RANBP2: variants seen among roughly 807,000 people sequenced by gnomAD.
RANBP2 encodes the protein E3 SUMO-protein ligase RanBP2.
Under a neutral mutation model 303.6 loss-of-function variants are expected in RANBP2, and 57 were observed. The observed-to-expected ratio is 0.19, with a 90% CI of 0.15 to 0.23. RANBP2 has a LOEUF of 0.23. Ranked by LOEUF, RANBP2 falls within the 10% of genes least tolerant of loss-of-function variation. The probability of loss-of-function intolerance (pLI) is 1.00; values close to 1 mark genes in which losing one functional copy is unlikely to be tolerated. For missense variants in RANBP2, 3,138 were observed against 3,780.8 expected (o/e 0.83, Z 4.46); for synonymous variants, 1,167 against 1,301.5 (o/e 0.90, Z 2.23).
the RANBP2 span, among the ~76,000 whole-genome samples, chr2:109,717,600 AAAC>A: frequency 0.17 from 25,038 of 150,230 alleles, 2,585 homozygotes; most frequent in East Asian, 0.3. Context: ...AAAAACAACA[AAAC>A]AACAACAACA....
chr2:109,614,294 G>T, the RANBP2 span: 1 of 614,012 alleles, frequency 1.6e-6, no homozygotes, highest in Admixed American at 4.7e-5. Context: ...CGTGGGCGCG[G>T]GGCGGGGGTG....
At chr2:109,592,893 G>A in the RANBP2 span, among the ~76,000 whole-genome samples, 3 of 151,918 alleles carry the variant, frequency 2.0e-5, no homozygotes, top group African/African-American at 7.3e-5. Flanking sequence ...ATCCATCATC[G>A]ACTTTTCACT....
chr2:109,539,742 C>T, the RANBP2 span, among the ~76,000 whole-genome samples: 7 of 152,204 alleles, frequency 4.6e-5, no homozygotes, highest in South Asian at 2.1e-4. Context: ...CGTGCCCGGC[C>T]GCAACCAGTT....
the RANBP2 span, among the ~76,000 whole-genome samples, chr2:109,036,492 G>C: frequency 6.6e-6 from 1 of 152,136 alleles, no homozygotes. Context: ...TATACACCAT[G>C]ATGAAGTGGG....
the RANBP2 span, among the ~76,000 whole-genome samples, chr2:109,149,641 A>T: frequency 6.6e-6 from 1 of 152,062 alleles, no homozygotes; most frequent in Non-Finnish European, 1.5e-5. Context: ...TCCATTGAGC[A>T]CCCACATGTC....
chr2:109,084,148 C>T, the RANBP2 span, among the ~76,000 whole-genome samples: 1 of 152,196 alleles, frequency 6.6e-6, no homozygotes, highest in Non-Finnish European at 1.5e-5. Flanking sequence ...TGCTGCCTCT[C>T]AAAACTCCTC....
At chr2:109,379,267 C>A in the RANBP2 span, among the ~76,000 whole-genome samples, 1 of 152,210 alleles carries the variant, frequency 6.6e-6, no homozygotes, top group Non-Finnish European at 1.5e-5. Flanking sequence ...GTCAGAGGTT[C>A]CCCAGGGCTC....
the RANBP2 span, among the ~76,000 whole-genome samples, chr2:109,254,849 C>T: frequency 6.6e-6 from 1 of 152,172 alleles, no homozygotes; most frequent in African/African-American, 2.4e-5. Flanking sequence ...GCAGTATCTG[C>T]TCTCTGTGGA....
At chr2:108,887,870 G>A in the RANBP2 span, among the ~76,000 whole-genome samples, 1 of 152,060 alleles carries the variant, frequency 6.6e-6, no homozygotes, top group Admixed American at 6.5e-5. Flanking sequence ...TCTTTCTCTT[G>A]CCTGAGTGCT....
chr2:108,737,139 A>C (rs1695651231), intron 6 of RANBP2, among the ~76,000 whole-genome samples: 1 of 152,152 alleles, frequency 6.6e-6, no homozygotes, highest in South Asian at 2.1e-4. Flanking sequence ...AAAGTACATA[A>C]AAGTACCTAA....
At chr2:109,465,969 G>A in the RANBP2 span, among the ~76,000 whole-genome samples, 4 of 151,968 alleles carry the variant, frequency 2.6e-5, no homozygotes, top group African/African-American at 4.8e-5. Flanking sequence ...CTCTAACACC[G>A]GGGATTACAA....
the RANBP2 span, among the ~76,000 whole-genome samples, chr2:109,664,306 T>A: frequency 8.5e-5 from 13 of 152,154 alleles, no homozygotes; most frequent in Admixed American, 1.3e-4. Flanking sequence ...TTAGCAAAGA[T>A]TCTTATAAAA....
chr2:109,581,439 A>G, the RANBP2 span, among the ~76,000 whole-genome samples: 16 of 152,186 alleles, frequency 1.1e-4, no homozygotes, highest in African/African-American at 3.6e-4. Flanking sequence ...CCTGTCTCAA[A>G]AAAAAAAACA....
chr2:109,004,134 G>C, the RANBP2 span, among the ~76,000 whole-genome samples: 1 of 152,186 alleles, frequency 6.6e-6, no homozygotes, highest in Non-Finnish European at 1.5e-5. Context: ...AATCATTTTG[G>C]CAATAAGGGT....
chr2:109,728,338 A>T, the RANBP2 span, among the ~76,000 whole-genome samples: 1 of 152,202 alleles, frequency 6.6e-6, no homozygotes, highest in Non-Finnish European at 1.5e-5. Flanking sequence ...AGCAAAATAG[A>T]TGATCGTTGT....
chr2:108,879,228 T>C, the RANBP2 span, among the ~76,000 whole-genome samples: 2 of 152,228 alleles, frequency 1.3e-5, no homozygotes, highest in Admixed American at 6.5e-5. Flanking sequence ...TGCCTCAGCC[T>C]TCCAGAATGC....
chr2:109,590,078 A>ATG, the RANBP2 span, among the ~76,000 whole-genome samples: 3,394 of 147,576 alleles, frequency 0.023, 50 homozygotes, highest in South Asian at 0.067. Context: ...ACACACATAT[A>ATG]TATGTATATA....
the RANBP2 span, among the ~76,000 whole-genome samples, chr2:108,976,617 GT>G: frequency 1.1e-4 from 16 of 152,320 alleles, no homozygotes; most frequent in African/African-American, 3.8e-4. Context: ...CCTCTTCTCT[GT>G]TATGTATTTG....
chr2:109,556,540 A>C, the RANBP2 span, among the ~76,000 whole-genome samples: 1 of 152,198 alleles, frequency 6.6e-6, no homozygotes, highest in Admixed American at 6.5e-5. Context: ...AAACACTTGC[A>C]GAAACCTGTT....
Sources: allele counts gnomAD v4.1 joint callset (sites outside exome capture counted in the v4.1 genomes callset), GRCh38; gene constraint gnomAD v4.1.1; transcripts MANE v1.5; gene names NCBI Gene and HGNC (gene_info 2026-07-23, HGNC 2026-07-21).